PDE1A: variants seen among roughly 807,000 people sequenced by gnomAD.
PDE1A encodes dual specificity calcium/calmodulin-dependent 3',5'-cyclic nucleotide phosphodiesterase 1A.
PDE1A carries 35 observed loss-of-function variants against 61.7 expected under a neutral mutation model. The ratio of observed to expected loss-of-function variants is 0.57; its 90% confidence interval spans 0.43 to 0.75. PDE1A has a LOEUF of 0.75. Among genes scored for constraint, PDE1A ranks in the 30% least tolerant of loss-of-function variants. PDE1A has a pLI of 0.00. For missense variants in PDE1A, 597 were observed against 630.6 expected (o/e 0.95, Z 0.57); for synonymous variants, 232 against 213.2 (o/e 1.09, Z -0.77).
At chr2:182,253,417 G>C (rs1417531222) in intron 2 of PDE1A, among the ~76,000 whole-genome samples, 1 of 152,156 alleles carries the variant, frequency 6.6e-6, no homozygotes, top group African/African-American at 2.4e-5. Context: ...AACAACTTTA[G>C]TATTAGGTTT....
At chr2:182,708,469 A>C in the PDE1A span, among the ~76,000 whole-genome samples, 1 of 152,188 alleles carries the variant, frequency 6.6e-6, no homozygotes, top group African/African-American at 2.4e-5. Context: ...TGCCTGTATT[A>C]GTTTTTGCAC....
intron 3 of PDE1A, among the ~76,000 whole-genome samples, chr2:182,234,786 C>A (rs972617486): frequency 2.6e-5 from 4 of 152,210 alleles, no homozygotes; most frequent in African/African-American, 9.6e-5. Context: ...AGATGCACTA[C>A]ACTTTGCATA....
chr2:182,252,182 A>G (rs1274280781), intron 2 of PDE1A, among the ~76,000 whole-genome samples: 1 of 152,214 alleles, frequency 6.6e-6, no homozygotes, highest in South Asian at 2.1e-4. Context: ...AAGTATTTGC[A>G]CTAGTTAGGT....
At chr2:182,673,716 T>C in the PDE1A span, among the ~76,000 whole-genome samples, 1 of 151,900 alleles carries the variant, frequency 6.6e-6, no homozygotes, top group Non-Finnish European at 1.5e-5. Context: ...TAAATAGAAT[T>C]GCCTTAAATA....
At chr2:182,716,363 GC>G in the PDE1A span, 1 of 152,314 alleles carries the variant, frequency 6.6e-6, no homozygotes, top group African/African-American at 2.4e-5. Context: ...CCGCGGCTGG[GC>G]CGTCGGAGAG....
intron 1 of PDE1A, among the ~76,000 whole-genome samples, chr2:182,383,899 G>A (rs1467150540): frequency 1.3e-5 from 2 of 152,128 alleles, no homozygotes; most frequent in African/African-American, 2.4e-5. Flanking sequence ...TCCACCACAC[G>A]GCCTACTACA....
At chr2:182,156,753 A>G (rs1691103431) in intron 13 of PDE1A, among the ~76,000 whole-genome samples, 1 of 152,152 alleles carries the variant, frequency 6.6e-6, no homozygotes, top group Non-Finnish European at 1.5e-5. Flanking sequence ...AAAAGAATCC[A>G]GCAGCAAGGC....
At chr2:182,591,785 ACTGGAAATTTAGTCT>A in the PDE1A span, among the ~76,000 whole-genome samples, 1 of 152,230 alleles carries the variant, frequency 6.6e-6, no homozygotes, top group Non-Finnish European at 1.5e-5. Flanking sequence ...CACCTGGTTC[ACTGGAAATTTAGTCT>A]CTTTTTAAAT....
At chr2:182,218,811 C>G (rs1002123407) in intron 7 of PDE1A, among the ~76,000 whole-genome samples, 1 of 152,070 alleles carries the variant, frequency 6.6e-6, no homozygotes, top group Non-Finnish European at 1.5e-5. Flanking sequence ...CTGGGATAAA[C>G]CCCACTTAGT....
At chr2:182,580,455 G>T in the PDE1A span, among the ~76,000 whole-genome samples, 4 of 152,080 alleles carry the variant, frequency 2.6e-5, no homozygotes, top group Non-Finnish European at 4.4e-5. Flanking sequence ...AGAGATACTA[G>T]TCATATTAGA....
intron 1 of PDE1A, among the ~76,000 whole-genome samples, chr2:182,327,122 C>T (rs1011540245): frequency 6.6e-6 from 1 of 152,078 alleles, no homozygotes; most frequent in African/African-American, 2.4e-5. Flanking sequence ...AAACAAAGTT[C>T]CTGTTTTAGT....
At chr2:182,691,513 T>G in the PDE1A span, among the ~76,000 whole-genome samples, 1 of 152,190 alleles carries the variant, frequency 6.6e-6, no homozygotes, top group Admixed American at 6.5e-5. Context: ...TCCTTGCACC[T>G]TATACAAAAA....
At chr2:182,197,936 C>T (rs891537187) in intron 10 of PDE1A, among the ~76,000 whole-genome samples, 3 of 151,892 alleles carry the variant, frequency 2.0e-5, no homozygotes, top group Non-Finnish European at 2.9e-5. Flanking sequence ...TCAACTTCTA[C>T]AAATAAGCCT....
Position 182,339,222 on chromosome 2 carries a change from G to C in PDE1A, c.54-74808C>G, listed in dbSNP as rs552319931. Among the ~76,000 whole-genome samples, 4 of 152,254 alleles carry C rather than the reference G, an allele frequency of 2.6e-5. No homozygotes were observed. In the East Asian group the frequency reaches 7.7e-4, roughly 29 times the overall value. On this transcript the variant is annotated intron_variant, in intron 1 of 13. Coordinates refer to ENST00000351439, the Ensembl canonical transcript of PDE1A. ...TAGAACCACTTCCACTTGTTTAATA[G>C]ATTGTGAAGACTTTCAATGAAATTT...
At chr2:182,253,553 A>G (rs566675147) in intron 2 of PDE1A, among the ~76,000 whole-genome samples, 1 of 152,230 alleles carries the variant, frequency 6.6e-6, no homozygotes, top group African/African-American at 2.4e-5. Flanking sequence ...TCATTCTGCC[A>G]TTTATGCAAT....
intron 1 of PDE1A, among the ~76,000 whole-genome samples, chr2:182,419,930 C>T (rs1166572397): frequency 2.0e-5 from 3 of 151,878 alleles, no homozygotes; most frequent in Non-Finnish European, 2.9e-5. Flanking sequence ...AAGATGAATT[C>T]AGTATTGATT....
chr2:182,367,220 A>G (rs910719068), intron 1 of PDE1A, among the ~76,000 whole-genome samples: 3 of 152,058 alleles, frequency 2.0e-5, no homozygotes, highest in Admixed American at 2.0e-4. Context: ...TGAGTTTAAT[A>G]TTAGGGCTCT....
the PDE1A span, among the ~76,000 whole-genome samples, chr2:182,603,617 G>C: frequency 6.6e-6 from 1 of 152,170 alleles, no homozygotes; most frequent in Non-Finnish European, 1.5e-5. Flanking sequence ...CCCAAAGTGA[G>C]TTGAAGTTTA....
the PDE1A span, among the ~76,000 whole-genome samples, chr2:182,613,659 A>G: frequency 1.3e-5 from 2 of 152,236 alleles, no homozygotes; most frequent in Non-Finnish European, 2.9e-5. Context: ...TAAGTCAATA[A>G]AAGATCAACT....
Sources: gnomAD v4.1 joint callset for allele counts (sites outside exome capture counted in the v4.1 genomes callset) on GRCh38, gnomAD v4.1.1 for gene constraint, MANE v1.5 for transcripts, NCBI Gene and HGNC (gene_info 2026-07-23, HGNC 2026-07-21) for gene names.